Variants in ACYP2 observed in about 807,000 individuals in gnomAD.
The protein encoded by ACYP2 is acylphosphatase-2.
A neutral mutation model predicts 11.2 loss-of-function variants in ACYP2; 12 were observed. The ratio of observed to expected loss-of-function variants is 1.08; its 90% CI spans 0.69 to 1.74. ACYP2 has a LOEUF of 1.74. Ranked by LOEUF, ACYP2 falls within the 40% of genes most tolerant of loss-of-function variation. The probability of loss-of-function intolerance (pLI) is 0.00; values close to 1 mark genes in which losing one functional copy is unlikely to be tolerated. For missense variants in ACYP2, 134 were observed against 101.9 expected, an observed-to-expected ratio of 1.31 and a Z score of -1.35; for synonymous variants, 43 against 32.2, an observed-to-expected ratio of 1.33 and a Z score of -1.13.
chr2:54,054,140 A>G (rs1329989178), intron 3 of ACYP2, among the ~76,000 whole-genome samples: 4 of 152,210 alleles, frequency 2.6e-5, no homozygotes, highest in African/African-American at 9.6e-5. Flanking sequence ...CTGAGTGCCT[A>G]TCATAACCCA....
At chr2:54,185,358 T>G (rs1022465201) in intron 6 of ACYP2, among the ~76,000 whole-genome samples, 2 of 152,170 alleles carry the variant, frequency 1.3e-5, no homozygotes, top group East Asian at 3.8e-4. Flanking sequence ...CAGGGTGAGC[T>G]TGACACAGTG....
chr2:54,091,327 T>C (rs940129997), intron 4 of ACYP2, among the ~76,000 whole-genome samples: 5 of 152,094 alleles, frequency 3.3e-5, no homozygotes, highest in African/African-American at 4.8e-5. Flanking sequence ...CAATATATAC[T>C]TTCTAACATG....
At chr2:54,106,354 G>A (rs114960244) in intron 4 of ACYP2, among the ~76,000 whole-genome samples, 3,904 of 151,466 alleles carry the variant, frequency 0.026, 150 homozygotes, top group African/African-American at 0.085. Context: ...GTGAACCACC[G>A]TTCCCAGACA....
At chr2:54,110,752 G>C (rs920197496) in intron 4 of ACYP2, among the ~76,000 whole-genome samples, 26 of 152,024 alleles carry the variant, frequency 1.7e-4, no homozygotes, top group Admixed American at 9.8e-4. Flanking sequence ...AGAGAAGCAA[G>C]GTGTCGCCCC....
At chr2:54,167,127 C>T (rs1387505832) in intron 6 of ACYP2, 1 of 151,920 alleles carries the variant, frequency 6.6e-6, no homozygotes, top group Non-Finnish European at 1.5e-5. Flanking sequence ...GCCTCCAGCT[C>T]TTACTGAACA....
chr2:53,978,626 C>T (rs1249787773), intron 2 of ACYP2, among the ~76,000 whole-genome samples: 1 of 152,192 alleles, frequency 6.6e-6, no homozygotes, highest in African/African-American at 2.4e-5. Flanking sequence ...TGGCTCACAC[C>T]TGTAATTCCA....
chr2:54,209,239 T>C (rs1399994452), intron 6 of ACYP2, among the ~76,000 whole-genome samples: 1 of 152,226 alleles, frequency 6.6e-6, no homozygotes, highest in Admixed American at 6.5e-5. Context: ...GTACTGCTTA[T>C]CTTAATTCCA....
intron 6 of ACYP2, among the ~76,000 whole-genome samples, chr2:54,292,667 TATACAC>T (rs1213252621): frequency 1.9e-5 from 1 of 53,282 alleles, no homozygotes; most frequent in Non-Finnish European, 3.6e-5. Flanking sequence ...TGTATATATG[TATACAC>T]ACACACACAC....
intron 2 of ACYP2, among the ~76,000 whole-genome samples, chr2:54,006,255 C>G (rs943292303): frequency 6.6e-6 from 1 of 152,086 alleles, no homozygotes. Flanking sequence ...TCAAGCGATT[C>G]TCCTGCCTCG....
In ACYP2 at chr2:54,138,663, A is replaced by T; in HGVS notation, c.319A>T (p.Ile107Leu). Reference sequence around the variant, plus strand: ...GTATACAGAAGATGAAGCTAGGAAAATAGGAGTGGTTGGCTGGGTGAAGAA... The same window carrying T: ...GTATACAGAAGATGAAGCTAGGAAATTAGGAGTGGTTGGCTGGGTGAAGAA... The change falls in exon 6 of 7, where the codon ATA becomes TTA. Residue 107 changes from isoleucine to leucine, a missense_variant. Physicochemically the swap from Ile to Leu is conservative, Grantham distance 5. Transcript: ENST00000607452. 6.2e-7 allele frequency: 1 copy of T among 1,614,060 alleles called. No individual in the cohort carries two copies. Among genetic ancestry groups the T allele is most frequent in the Non-Finnish European group, 8.5e-7 (1 of 1,179,972 alleles).
At chr2:54,240,692 A>ATC (rs1384581004) in intron 6 of ACYP2, among the ~76,000 whole-genome samples, 7 of 152,202 alleles carry the variant, frequency 4.6e-5, no homozygotes, top group African/African-American at 1.4e-4. Flanking sequence ...TTAGATGAGC[A>ATC]ACTCCCTGGT....
At chr2:54,001,280 G>A (rs907730134) in intron 2 of ACYP2, among the ~76,000 whole-genome samples, 3 of 152,108 alleles carry the variant, frequency 2.0e-5, no homozygotes, top group African/African-American at 7.2e-5. Context: ...AGGAATACTT[G>A]GGTCTGGGTG....
At chr2:54,288,388 A>T (rs1689167895) in intron 6 of ACYP2, among the ~76,000 whole-genome samples, 1 of 151,956 alleles carries the variant, frequency 6.6e-6, no homozygotes, top group South Asian at 2.1e-4. Context: ...TGTAGTTTTT[A>T]AAAAGGTGGG....
chr2:54,181,697 TG>T (rs1408153537), intron 6 of ACYP2, among the ~76,000 whole-genome samples: 1 of 152,230 alleles, frequency 6.6e-6, no homozygotes. Context: ...GCACTTACTA[TG>T]TGCCAGTCTC....
At chr2:54,232,363 C>T (rs756987136) in intron 6 of ACYP2, among the ~76,000 whole-genome samples, 11 of 152,066 alleles carry the variant, frequency 7.2e-5, no homozygotes, top group Non-Finnish European at 1.3e-4. Context: ...TGTGCTACCT[C>T]TGACACCATC....
At chr2:54,121,379 G>A (rs1199430754) in intron 4 of ACYP2, among the ~76,000 whole-genome samples, 1 of 152,132 alleles carries the variant, frequency 6.6e-6, no homozygotes, top group East Asian at 1.9e-4. Flanking sequence ...CTCTGGTTGT[G>A]GACTCCACCT....
intron 6 of ACYP2, among the ~76,000 whole-genome samples, chr2:54,219,728 C>T (rs1685701023): frequency 6.6e-6 from 1 of 151,914 alleles, no homozygotes; most frequent in South Asian, 2.1e-4. Flanking sequence ...AAGCAATTCT[C>T]CTGCCTCAGT....
At chr2:54,063,488 C>G (rs1676575610) in intron 4 of ACYP2, among the ~76,000 whole-genome samples, 1 of 152,164 alleles carries the variant, frequency 6.6e-6, no homozygotes, top group Non-Finnish European at 1.5e-5. Flanking sequence ...TCCCTCTGGC[C>G]TCAGGCTGGG....
At chr2:53,982,870 G>GTGTA (rs1671840958) in intron 2 of ACYP2, among the ~76,000 whole-genome samples, 1 of 136,394 alleles carries the variant, frequency 7.3e-6, no homozygotes, top group African/African-American at 2.6e-5. Flanking sequence ...GTGTGTGTGT[G>GTGTA]TGTGATATAA....
Sources: allele counts gnomAD v4.1 joint callset (sites outside exome capture counted in the v4.1 genomes callset), GRCh38; gene constraint gnomAD v4.1.1; transcripts MANE v1.5; gene names NCBI Gene and HGNC (gene_info 2026-07-23, HGNC 2026-07-21).